RFC3: variants seen among roughly 807,000 people sequenced by gnomAD.
RFC3 encodes replication factor C subunit 3, also known as A1 38 kDa subunit.
A neutral mutation model predicts 45.1 loss-of-function variants in RFC3; 41 were observed. The observed-to-expected ratio is 0.91, with a 90% CI of 0.71 to 1.18. The LOEUF is 1.18. Ranked by LOEUF, RFC3 falls within the 50% of genes most tolerant of loss-of-function variation. RFC3 has a pLI of 0.00. For missense variants in RFC3, 423 were observed against 428.1 expected (o/e 0.99, Z 0.10); for synonymous variants, 149 against 144.0 (o/e 1.03, Z -0.25).
At chr13:33,943,498 G>A (rs895509558) in intron 8 of RFC3, among the ~76,000 whole-genome samples, 4 of 152,114 alleles carry the variant, frequency 2.6e-5, no homozygotes, top group African/African-American at 9.7e-5. Context: ...AATGTTTCCA[G>A]CACAAAGACA....
At chr13:33,968,762 C>A (rs1386416413), downstream of RFC3, among the ~76,000 whole-genome samples, 3 of 152,140 alleles carry the variant, frequency 2.0e-5, no homozygotes, top group African/African-American at 7.2e-5. Context: ...TTCAGTGCAA[C>A]CCTTTCAGAA....
At chr13:33,824,793 A>G (rs961988252) in intron 3 of RFC3, among the ~76,000 whole-genome samples, 3 of 152,116 alleles carry the variant, frequency 2.0e-5, no homozygotes, top group Non-Finnish European at 2.9e-5. Flanking sequence ...CCTTAAAACA[A>G]CCCTAACAGA....
intron 8 of RFC3, among the ~76,000 whole-genome samples, chr13:33,956,838 A>G (rs2083024930): frequency 6.6e-6 from 1 of 152,220 alleles, no homozygotes; most frequent in African/African-American, 2.4e-5. Context: ...AAAGTTGTAT[A>G]TGTGTGTTAG....
At chr13:33,830,898 A>G (rs758598316) in intron 6 of RFC3, 43 bp downstream of exon 6, 6 of 1,569,706 alleles carry the variant, frequency 3.8e-6, no homozygotes, top group Non-Finnish European at 5.2e-6. Context: ...TTGGCCCCCA[A>G]GCTTTTTGGC....
intron 8 of RFC3, among the ~76,000 whole-genome samples, chr13:33,962,462 G>T (rs1227639937): frequency 6.6e-6 from 1 of 152,098 alleles, no homozygotes; most frequent in Non-Finnish European, 1.5e-5. Flanking sequence ...TTTACTAATG[G>T]ATAAGCTACT....
intron 3 of RFC3, 57 bp downstream of exon 3, chr13:33,824,041 CT>C (rs1566377413): frequency 1.5e-5 from 13 of 849,758 alleles, no homozygotes; most frequent in South Asian, 7.1e-5. Flanking sequence ...TTTGGGCTTT[CT>C]TTTTTTAAAA....
At chr13:33,832,904 T>C (rs1175788829) in intron 7 of RFC3, among the ~76,000 whole-genome samples, 1 of 152,194 alleles carries the variant, frequency 6.6e-6, no homozygotes, top group East Asian at 1.9e-4. Context: ...ATCACGTGCT[T>C]TTATAAAACT....
chr13:33,938,184 C>CAAAAAAAAAAAAAAAA (rs34685731), intron 8 of RFC3, among the ~76,000 whole-genome samples: 9 of 70,766 alleles, frequency 1.3e-4, no homozygotes, highest in African/African-American at 4.7e-4. Context: ...AGTCCAACTG[C>CAAAAAAAAAAAAAAAA]AAAAAAAAAA....
downstream of RFC3, among the ~76,000 whole-genome samples, chr13:33,969,722 G>T (rs144565452): frequency 2.7e-3 from 405 of 152,194 alleles, 4 homozygotes; most frequent in African/African-American, 8.9e-3. Flanking sequence ...TTTGTTGTTG[G>T]TGGTGGTGGG....
chr13:33,891,703 C>A (rs2082564357), intron 8 of RFC3, among the ~76,000 whole-genome samples: 1 of 152,076 alleles, frequency 6.6e-6, no homozygotes, highest in Non-Finnish European at 1.5e-5. Context: ...ATTATAACAA[C>A]TATATAATAT....
At chr13:33,943,423 T>A (rs549490820) in intron 8 of RFC3, among the ~76,000 whole-genome samples, 2 of 152,328 alleles carry the variant, frequency 1.3e-5, no homozygotes, top group East Asian at 3.9e-4. Context: ...GTCAGGAGTC[T>A]GAGCATGCCC....
intron 7 of RFC3, among the ~76,000 whole-genome samples, chr13:33,831,888 G>C (rs1272419235): frequency 1.3e-5 from 2 of 152,138 alleles, no homozygotes; most frequent in Non-Finnish European, 2.9e-5. Context: ...TGCATTTGTT[G>C]TGAAGAGCAA....
At chr13:33,862,239 A>T (rs578037458) in intron 8 of RFC3, among the ~76,000 whole-genome samples, 2 of 146,160 alleles carry the variant, frequency 1.4e-5, no homozygotes, top group Non-Finnish European at 3.0e-5. Flanking sequence ...TGGTAATTAA[A>T]TCCAATCTCA....
intron 8 of RFC3, among the ~76,000 whole-genome samples, chr13:33,889,795 A>T (rs1300800209): frequency 6.6e-6 from 1 of 152,214 alleles, no homozygotes. Context: ...GCCACATATG[A>T]ATGAAACCAT....
chr13:33,822,613 T>G (rs575999379), intron 2 of RFC3, among the ~76,000 whole-genome samples: 9 of 152,286 alleles, frequency 5.9e-5, no homozygotes, highest in African/African-American at 7.2e-5. Context: ...CTATTTCAAA[T>G]CAGTGGAAGA....
chr13:33,827,683 A>G (rs1029703499), intron 4 of RFC3, among the ~76,000 whole-genome samples: 2 of 152,242 alleles, frequency 1.3e-5, no homozygotes, highest in African/African-American at 4.8e-5. Flanking sequence ...AAAAAGAACA[A>G]TAACTATGAA....
chr13:33,821,202 T>A lies in RFC3; in HGVS notation c.158T>A (p.Met53Lys), dbSNP rs1259467616. Reference sequence around the variant, plus strand: ...GGTGCTGGAAAAAAGACAAGAATTATGTGTATTCTACGTGAACTTTATGGT... The same window carrying A: ...GGTGCTGGAAAAAAGACAAGAATTAAGTGTATTCTACGTGAACTTTATGGT... ...PSGAGKKTRI[M>K]CILRELYGVG... The change falls in exon 2 of 9, where the codon ATG (methionine) becomes AAG (lysine). Residue 53 changes from methionine (M) to lysine (K), a missense_variant. Transcript: ENST00000380071. 6.2e-7 allele frequency: 1 copy of A among 1,613,698 alleles called. No homozygotes were observed.
intron 8 of RFC3, among the ~76,000 whole-genome samples, chr13:33,859,996 C>T (rs1235163770): frequency 6.6e-6 from 1 of 152,060 alleles, no homozygotes; most frequent in East Asian, 1.9e-4. Flanking sequence ...CTGGTGACCT[C>T]ATAAGATGAG....
In RFC3 at chr13:33,915,802, A is replaced by AT. The variant is rs202140921; in HGVS notation, c.880-50284dup. On this transcript the variant is annotated intron_variant, in intron 8 of 8. Coordinates refer to the RFC3 transcript ENST00000434425. ...AATAATTATATTTCTATATTTCTATATATATATATATTTTGAGAGAGAGTC... is the reference window on the plus strand; with the variant it reads ...AATAATTATATTTCTATATTTCTATATTATATATATATTTTGAGAGAGAGTC... Among the ~76,000 whole-genome samples the AT allele has an allele frequency of 9.1e-3, 1,388 of 151,908 alleles. 20 individuals are homozygous for AT. Among genetic ancestry groups the AT allele is most frequent in the African/African-American group, 0.031 (1,295 of 41,422 alleles).
Sources: allele counts gnomAD v4.1 joint callset (sites outside exome capture counted in the v4.1 genomes callset), GRCh38; gene constraint gnomAD v4.1.1; transcripts MANE v1.5; gene names NCBI Gene and HGNC (gene_info 2026-07-23, HGNC 2026-07-21).